LRCH3: variants seen among roughly 807,000 people sequenced by gnomAD.
LRCH3 encodes leucine rich repeats and calponin homology domain containing 3, also known as DISP complex protein LRCH3.
Under a neutral mutation model 104.5 loss-of-function variants are expected in LRCH3, and 68 were observed. The ratio of observed to expected loss-of-function variants is 0.65; its 90% CI spans 0.54 to 0.80. The LOEUF (loss-of-function observed/expected upper bound fraction) is 0.80, where lower values mean the gene tolerates loss of function less well. Ranked by LOEUF, LRCH3 falls within the 30% of genes least tolerant of loss-of-function variation. The pLI, the probability that LRCH3 is intolerant of heterozygous loss-of-function variation, is 0.00. For missense variants in LRCH3, 951 were observed against 953.9 expected (o/e 1.00, Z 0.04); for synonymous variants, 344 against 361.3 (o/e 0.95, Z 0.54).
intron 5 of LRCH3, among the ~76,000 whole-genome samples, chr3:197,828,012 G>A (rs1259143650): frequency 6.6e-6 from 1 of 151,282 alleles, no homozygotes; most frequent in East Asian, 2.0e-4. Flanking sequence ...AGGAGGTGGA[G>A]GCTGCAGTGA....
At chr3:197,861,260 T>G (rs1740848703) in intron 15 of LRCH3, among the ~76,000 whole-genome samples, 1 of 152,222 alleles carries the variant, frequency 6.6e-6, no homozygotes, top group South Asian at 2.1e-4. Flanking sequence ...GTGAACCCTT[T>G]GCTAGCCGTT....
At position 197,791,364 on chromosome 3, in the gene LRCH3, A is replaced by C. The variant is rs371288838; in HGVS notation, c.86A>C (p.His29Pro). 114 of 1,603,238 alleles carry C rather than the reference A, an allele frequency of 7.1e-5. No individual in the cohort carries two copies. The highest frequency in any genetic ancestry group is 9.4e-5 in the Non-Finnish European group (111 of 1,176,340). Residue 29 changes from histidine (H) to proline (P), a missense_variant, in exon 1 of 21, where the codon CAC becomes CCC. Transcript: ENST00000425562. ...TCGGGAGGTAACCTCCCTGGTGTTC[A>C]CTGCGGCCCAAGCTCCGGGGCAGGC... The part of the protein sequence containing the change: ...VASGGNLPGV[H>P]CGPSSGAGPG...
intron 10 of LRCH3, among the ~76,000 whole-genome samples, chr3:197,842,102 C>T (rs1030461411): frequency 1.2e-4 from 18 of 152,036 alleles, no homozygotes; most frequent in African/African-American, 4.1e-4. Flanking sequence ...CCTGCCAAAG[C>T]GCTGGGATTA....
chr3:197,800,153 G>A (rs1463314015), intron 1 of LRCH3, among the ~76,000 whole-genome samples: 3 of 151,306 alleles, frequency 2.0e-5, no homozygotes, highest in Non-Finnish European at 2.9e-5. Context: ...CACGCTGATC[G>A]CACCACTATA....
intron 20 of LRCH3, among the ~76,000 whole-genome samples, chr3:197,879,472 C>G (rs1040213156): frequency 6.6e-6 from 1 of 150,926 alleles, no homozygotes; most frequent in Non-Finnish European, 1.5e-5. Context: ...TGGTGAAACC[C>G]CGTCTCTACT....
intron 1 of LRCH3, among the ~76,000 whole-genome samples, chr3:197,803,883 A>G (rs980225080): frequency 6.6e-6 from 1 of 152,210 alleles, no homozygotes; most frequent in Non-Finnish European, 1.5e-5. Flanking sequence ...GGGTCTCAGT[A>G]AGTAAATAAT....
At chr3:197,861,582 G>C (rs1740887493) in intron 15 of LRCH3, among the ~76,000 whole-genome samples, 1 of 152,008 alleles carries the variant, frequency 6.6e-6, no homozygotes, top group Non-Finnish European at 1.5e-5. Flanking sequence ...TATCCGACCT[G>C]CTGTACTGTC....
chr3:197,814,340 T>C (rs1230636433), intron 1 of LRCH3, among the ~76,000 whole-genome samples: 1 of 152,220 alleles, frequency 6.6e-6, no homozygotes, highest in African/African-American at 2.4e-5. Flanking sequence ...CCTCCATGAT[T>C]GAATTACCTC....
intron 1 of LRCH3, among the ~76,000 whole-genome samples, chr3:197,813,403 G>T (rs1733420942): frequency 6.6e-6 from 1 of 151,034 alleles, no homozygotes. Flanking sequence ...TTTGTCCTCT[G>T]CATTTTCTGA....
rs1456769537 is a variant in LRCH3 at position 197,871,327 on chromosome 3, T to C, written c.1995T>C (p.His665=). 18 of 1,610,968 alleles carry C rather than the reference T, an allele frequency of 1.1e-5. No individual in the cohort carries two copies. The highest frequency in any genetic ancestry group is 1.5e-5 in the Non-Finnish European group (18 of 1,177,274). The change falls in exon 19 of 21, where the codon CAT becomes CAC. Residue 665 remains histidine (H), a splice_region_variant and synonymous_variant. Transcript: ENST00000425562. The part of the protein sequence containing the change: ...ELELIDQLRK[H]IEYRLKVSLP... ...TTACATGTTTTTTGTTCTTTCAGCA[T>C]ATTGAGTACCGGTTGAAAGTGTCTC...
At chr3:197,882,535 AC>A (rs1409779091) in intron 20 of LRCH3, 128 of 944,926 alleles carry the variant, frequency 1.4e-4, no homozygotes, top group African/African-American at 1.2e-3. Context: ...AAAACAAAAA[AC>A]AAAAAAACCC....
chr3:197,848,824 C>T (rs112860025), intron 12 of LRCH3, among the ~76,000 whole-genome samples: 2,608 of 152,258 alleles, frequency 0.017, 102 homozygotes, highest in African/African-American at 0.06. Flanking sequence ...CCTTTAAGTA[C>T]GATGCGTATG....
chr3:197,809,002 A>G (rs952505293), intron 1 of LRCH3, among the ~76,000 whole-genome samples: 1 of 147,872 alleles, frequency 6.8e-6, no homozygotes. Flanking sequence ...TGCTTTCAAT[A>G]TTTTTTTTTT....
intron 1 of LRCH3, among the ~76,000 whole-genome samples, chr3:197,798,834 A>C (rs1455384643): frequency 2.0e-5 from 3 of 152,222 alleles, no homozygotes; most frequent in African/African-American, 7.2e-5. Flanking sequence ...AGTGGTTATT[A>C]AAATAGAAAT....
At position 197,829,571 on chromosome 3, in the gene LRCH3, T is replaced by C; in HGVS notation, c.785T>C (p.Ile262Thr). The C allele has an allele frequency of 6.2e-7, 1 of 1,606,774 alleles. No homozygotes were observed. The highest frequency in any genetic ancestry group is 8.5e-7 in the Non-Finnish European group (1 of 1,177,026). ...PLQSPPAQIC[I>T]KGKVHIFKYL... ...CTGTGTGACTTTATTTAGATATGTA[T>C]AAAAGGCAAAGTCCACATATTTAAA... The change falls in exon 6 of 21, where the codon ATA (isoleucine) becomes ACA (threonine). Residue 262 changes from isoleucine to threonine, a missense_variant. Physicochemically the swap from Ile to Thr is moderately conservative, Grantham distance 89 (BLOSUM62 -1). Coordinates refer to ENST00000425562, the MANE Select transcript of LRCH3 (RefSeq NM_001365715.1).
intron 10 of LRCH3, 76 bp downstream of exon 10, chr3:197,839,473 A>T (rs1737467486): frequency 1.2e-6 from 1 of 827,772 alleles, no homozygotes; most frequent in Non-Finnish European, 1.9e-6. Flanking sequence ...TTTTATGCAG[A>T]TCTGTGTGTA....
intron 12 of LRCH3, chr3:197,850,428 T>C: frequency 6.6e-7 from 1 of 1,522,876 alleles, no homozygotes; most frequent in Non-Finnish European, 9.0e-7. Context: ...TTTTTGTTTC[T>C]TCAGTTTCTT....
rs1713644697 is a variant in LRCH3 at position 197,880,404 on chromosome 3, A to G, written c.2209-3137A>G. The G allele has an allele frequency of 6.0e-6, 5 of 828,828 alleles. No individual in the cohort carries two copies. In the South Asian group the frequency reaches 7.8e-5, roughly 13 times the overall value. 51.3% of individuals were successfully genotyped at this position (828,828 alleles called of 1,614,324 possible). A position where few individuals can be genotyped will look rare whatever the true frequency, so the allele number is the denominator to read the frequency against. ...AATGTAAAAATGTTACAGGATGTGT[A>G]TATGTGAATATGACTGAGATGATCA... On this transcript the variant is annotated intron_variant, in intron 20 of 20. Transcript: ENST00000425562.
intron 15 of LRCH3, among the ~76,000 whole-genome samples, chr3:197,863,677 T>C (rs779225323): frequency 2.0e-4 from 30 of 152,236 alleles, no homozygotes; most frequent in Admixed American, 3.3e-4. Flanking sequence ...GTAAGCTTTG[T>C]AACTGTTTGG....
Sources: allele counts gnomAD v4.1 joint callset (sites outside exome capture counted in the v4.1 genomes callset), GRCh38; gene constraint gnomAD v4.1.1; transcripts MANE v1.5; gene names NCBI Gene and HGNC (gene_info 2026-07-23, HGNC 2026-07-21).